The following WDR27 variants were observed in gnomAD, a reference collection of about 807,000 sequenced individuals.
WDR27 encodes WD repeat-containing protein 27.
WDR27 carries 100 observed loss-of-function variants against 114.4 expected under a neutral mutation model. The observed-to-expected ratio is 0.87, with a 90% confidence interval of 0.74 to 1.03. The LOEUF (loss-of-function observed/expected upper bound fraction) is 1.03, where lower values mean the gene tolerates loss of function less well. Ranked by LOEUF, WDR27 falls within the 50% of genes least tolerant of loss-of-function variation. The probability of loss-of-function intolerance (pLI) is 0.00; values close to 1 mark genes in which losing one functional copy is unlikely to be tolerated. For missense variants in WDR27, 1,129 were observed against 1,092.9 expected, an observed-to-expected ratio of 1.03 and a Z score of -0.47; for synonymous variants, 449 against 423.1, an observed-to-expected ratio of 1.06 and a Z score of -0.75.
At chr6:169,649,937 C>T (rs1821848403) in intron 14 of WDR27, among the ~76,000 whole-genome samples, 2 of 148,932 alleles carry the variant, frequency 1.3e-5, no homozygotes, top group African/African-American at 5.0e-5. Flanking sequence ...CATCCCTCAC[C>T]TCCGCATCCC....
chr6:169,626,511 A>C (rs1323297810), intron 21 of WDR27, among the ~76,000 whole-genome samples: 3 of 152,148 alleles, frequency 2.0e-5, no homozygotes, highest in Non-Finnish European at 4.4e-5. Flanking sequence ...TTCAAGGCTC[A>C]GCCCCAGGAC....
chr6:169,645,384 A>G (rs1380173653), intron 16 of WDR27, among the ~76,000 whole-genome samples: 1 of 152,064 alleles, frequency 6.6e-6, no homozygotes, highest in Non-Finnish European at 1.5e-5. Context: ...CCTAGTTCGC[A>G]GGAGTCCCAC....
intron 25 of WDR27, among the ~76,000 whole-genome samples, chr6:169,544,690 C>A (rs1562559454): frequency 6.6e-6 from 1 of 152,194 alleles, no homozygotes; most frequent in Non-Finnish European, 1.5e-5. Flanking sequence ...CTGCTTTGGC[C>A]TCCCAAAGTG....
intron 25 of WDR27, among the ~76,000 whole-genome samples, chr6:169,570,953 C>A (rs1199087954): frequency 6.6e-6 from 1 of 152,238 alleles, no homozygotes; most frequent in East Asian, 1.9e-4. Context: ...CTTGCCCTCT[C>A]GGCCAGGCCC....
At chr6:169,613,760 C>A in intron 21 of WDR27, 104 bp from the exon 22 acceptor site, 1 of 1,055,614 alleles carries the variant, frequency 9.5e-7, no homozygotes, top group Middle Eastern at 2.3e-4. Flanking sequence ...AAGATATTAA[C>A]ACAAAGTTTT....
At chr6:169,661,967 T>C (rs988749963) in intron 9 of WDR27, among the ~76,000 whole-genome samples, 1 of 152,240 alleles carries the variant, frequency 6.6e-6, no homozygotes, top group Non-Finnish European at 1.5e-5. Context: ...ATGTGTAATG[T>C]ATAGCACAGC....
the WDR27 span, among the ~76,000 whole-genome samples, chr6:169,440,317 C>T: frequency 2.0e-5 from 3 of 152,168 alleles, no homozygotes; most frequent in African/African-American, 7.2e-5. Context: ...ATTTTTCTCT[C>T]ACAGAATTAC....
intron 21 of WDR27, among the ~76,000 whole-genome samples, chr6:169,621,208 G>A (rs1482897269): frequency 8.6e-5 from 13 of 151,788 alleles, no homozygotes; most frequent in East Asian, 1.9e-4. Flanking sequence ...ATGCACGCTC[G>A]CATATGCATA....
intron 1 of WDR27, among the ~76,000 whole-genome samples, chr6:169,698,972 T>C (rs1232057769): frequency 6.6e-6 from 1 of 152,176 alleles, no homozygotes; most frequent in Non-Finnish European, 1.5e-5. Flanking sequence ...CTGTAGGATG[T>C]TGCTGAGTGA....
chr6:169,674,365 A>G (rs1173348597), intron 2 of WDR27, among the ~76,000 whole-genome samples: 1 of 152,236 alleles, frequency 6.6e-6, no homozygotes, highest in African/African-American at 2.4e-5. Context: ...TCAAAAGTTA[A>G]GTAGAGGCAT....
intron 25 of WDR27, among the ~76,000 whole-genome samples, chr6:169,501,990 G>A (rs932171529): frequency 6.6e-6 from 1 of 152,236 alleles, no homozygotes; most frequent in Non-Finnish European, 1.5e-5. Context: ...GGACTGGGCC[G>A]GATCGCTCCA....
intron 2 of WDR27, among the ~76,000 whole-genome samples, chr6:169,674,349 A>G (rs1032316472): frequency 4.6e-5 from 7 of 152,242 alleles, no homozygotes; most frequent in Non-Finnish European, 1.0e-4. Flanking sequence ...AACATTTTCC[A>G]TATGTTCAAA....
intron 25 of WDR27, among the ~76,000 whole-genome samples, chr6:169,491,417 C>A (rs1004771220): frequency 6.6e-6 from 1 of 151,978 alleles, no homozygotes; most frequent in Non-Finnish European, 1.5e-5. Flanking sequence ...TTATATTATT[C>A]AATATCTAAA....
chr6:169,436,636 T>C, the WDR27 span, among the ~76,000 whole-genome samples: 6 of 152,118 alleles, frequency 3.9e-5, no homozygotes, highest in Non-Finnish European at 8.8e-5. Flanking sequence ...ATTAGGTAAA[T>C]GTAAATGAGA....
At chr6:169,622,017 T>A (rs978039609) in intron 21 of WDR27, among the ~76,000 whole-genome samples, 1 of 152,226 alleles carries the variant, frequency 6.6e-6, no homozygotes, top group Admixed American at 6.5e-5. Context: ...CCTCCCATTC[T>A]ATTCAAAGTC....
rs1390665430 is a variant in WDR27 at position 169,635,635 on chromosome 6, C to G, written c.2003+736G>C. Among the ~76,000 whole-genome samples, 3 of 152,220 alleles carry G rather than the reference C, an allele frequency of 2.0e-5. No individual in the cohort carries two copies. The South Asian group carries it at 6.2e-4, about 32-fold the overall frequency. ...AGATGCGATCGGATGGAAGCCCAAC[C>G]CTTGGCAGGTCCCAACCCGATGTCC... On this transcript the variant is annotated intron_variant, in intron 19 of 25. Transcript: ENST00000448612.
intron 3 of WDR27, 94 bp downstream of exon 3, chr6:169,672,161 C>T: frequency 7.4e-7 from 1 of 1,355,294 alleles, no homozygotes; most frequent in South Asian, 1.4e-5. Flanking sequence ...TGCTGTTACC[C>T]AAGGGAAACA....
chr6:169,502,266 T>C (rs1791380877), intron 25 of WDR27, among the ~76,000 whole-genome samples: 2 of 152,036 alleles, frequency 1.3e-5, no homozygotes, highest in Non-Finnish European at 2.9e-5. Flanking sequence ...CCCAGGCACC[T>C]GGACAGGCCG....
intron 15 of WDR27, among the ~76,000 whole-genome samples, chr6:169,648,260 GATGCCTTCCGTGCACATGCCA>G (rs1397878106): frequency 6.6e-6 from 1 of 152,148 alleles, no homozygotes; most frequent in African/African-American, 2.4e-5. Context: ...ATCATCTACA[GATGCCTTCCGTGCACATGCCA>G]ATGCCTTCCG....
Sources: gnomAD v4.1 joint callset for allele counts (sites outside exome capture counted in the v4.1 genomes callset) on GRCh38, gnomAD v4.1.1 for gene constraint, MANE v1.5 for transcripts, NCBI Gene and HGNC (gene_info 2026-07-23, HGNC 2026-07-21) for gene names.